ST6GAL1: variants seen among roughly 807,000 people sequenced by gnomAD.
The protein encoded by ST6GAL1 is beta-galactoside alpha-2,6-sialyltransferase 1.
Under a neutral mutation model 38.0 loss-of-function variants are expected in ST6GAL1, and 20 were observed. That is an observed-to-expected ratio of 0.53 (90% CI 0.37 to 0.77). The LOEUF (loss-of-function observed/expected upper bound fraction) is 0.77. Among genes scored for constraint, ST6GAL1 ranks in the 30% least tolerant of loss-of-function variants. ST6GAL1 has a pLI of 0.00. For missense variants in ST6GAL1, 432 were observed against 496.4 expected (o/e 0.87, Z 1.23); for synonymous variants, 196 against 188.2 (o/e 1.04, Z -0.34).
At chr3:186,960,326 TG>T (rs1242095734) in intron 1 of ST6GAL1, among the ~76,000 whole-genome samples, 1 of 152,130 alleles carries the variant, frequency 6.6e-6, no homozygotes, top group Non-Finnish European at 1.5e-5. Flanking sequence ...GCTCTAGAGT[TG>T]GGGGACAGTG....
intron 5 of ST6GAL1, among the ~76,000 whole-genome samples, chr3:187,070,254 T>C (rs1579384008): frequency 6.6e-6 from 1 of 152,050 alleles, no homozygotes; most frequent in Non-Finnish European, 1.5e-5. Context: ...ACCAGAGGTG[T>C]TGGTGGTCAA....
At chr3:187,026,775 G>A (rs28674898) in intron 2 of ST6GAL1, among the ~76,000 whole-genome samples, 52,346 of 152,062 alleles carry the variant, frequency 0.34, 9,463 homozygotes, top group East Asian at 0.49. Context: ...GCCAGGTGCG[G>A]TGGCTCACGC....
At position 187,075,621 on chromosome 3, in the gene ST6GAL1, A is replaced by G. The variant is rs1271500275; in HGVS notation, c.1039A>G (p.Lys347Glu). 1 of 1,614,032 alleles carries G rather than the reference A, an allele frequency of 6.2e-7. No individual in the cohort carries two copies. Among genetic ancestry groups the G allele is most frequent in the Non-Finnish European group, 8.5e-7 (1 of 1,180,018 alleles). The change falls in exon 8 of 8, where the codon AAG becomes GAG. Residue 347 changes from lysine to glutamate, a missense_variant. Lys to Glu is a moderately conservative substitution (Grantham distance 56, BLOSUM62 1). Transcript: ENST00000169298. The surrounding 1 kb of genome is among the most constrained non-coding windows in gnomAD (Gnocchi z 4.1). ...GGATATTTATGAGTTCCTCCCATCCAAGCGCAAGACTGACGTGTGCTACTA... is the reference window on the plus strand; with the variant it reads ...GGATATTTATGAGTTCCTCCCATCCGAGCGCAAGACTGACGTGTGCTACTA... ...QVDIYEFLPSKRKTDVCYYYQ... is the reference protein window; with the variant it reads ...QVDIYEFLPSERKTDVCYYYQ...
At chr3:187,008,340 A>G (rs1716848046) in intron 2 of ST6GAL1, among the ~76,000 whole-genome samples, 1 of 151,710 alleles carries the variant, frequency 6.6e-6, no homozygotes, top group Non-Finnish European at 1.5e-5. Flanking sequence ...GAAGGACTCA[A>G]GAAAGAGAGA....
At chr3:187,009,839 A>G (rs145491466) in intron 2 of ST6GAL1, among the ~76,000 whole-genome samples, 21 of 152,114 alleles carry the variant, frequency 1.4e-4, no homozygotes, top group Middle Eastern at 3.4e-3. Context: ...CCCCGTCTCT[A>G]CTAAAAAATA....
intron 1 of ST6GAL1, among the ~76,000 whole-genome samples, chr3:186,948,528 AGTGTGTGTGTGTGTGTGTGTGTGTGT>A (rs36234165): frequency 6.8e-6 from 1 of 146,234 alleles, no homozygotes; most frequent in African/African-American, 2.5e-5. Context: ...CAGAAACTCT[AGTGTGTGTGTGTGTGTGTGTGTGTGT>A]GTGTGTGTGT....
intron 2 of ST6GAL1, among the ~76,000 whole-genome samples, chr3:187,004,437 T>C (rs1716715279): frequency 6.6e-6 from 1 of 152,246 alleles, no homozygotes; most frequent in South Asian, 2.1e-4. Context: ...AAAGTTTTTC[T>C]ATAGAAAGAT....
At chr3:187,074,804 A>C (rs1283780434) in intron 7 of ST6GAL1, among the ~76,000 whole-genome samples, 1 of 152,120 alleles carries the variant, frequency 6.6e-6, no homozygotes, top group Non-Finnish European at 1.5e-5. Flanking sequence ...TCAGGTGTAC[A>C]ATTTAAGGGC....
chr3:186,989,210 T>A (rs2108543994), intron 2 of ST6GAL1, among the ~76,000 whole-genome samples: 1 of 152,246 alleles, frequency 6.6e-6, no homozygotes, highest in Non-Finnish European at 1.5e-5. Flanking sequence ...TAAAGAATGA[T>A]TCAAAGACTG....
At chr3:186,933,694 T>C (rs11715344) in intron 1 of ST6GAL1, among the ~76,000 whole-genome samples, 33,520 of 152,184 alleles carry the variant, frequency 0.22, 4,039 homozygotes, top group Non-Finnish European at 0.28. Flanking sequence ...ATTGCTTGCC[T>C]AATGATACAC....
At chr3:186,982,651 C>T (rs1449033851) in intron 2 of ST6GAL1, among the ~76,000 whole-genome samples, 1 of 151,950 alleles carries the variant, frequency 6.6e-6, no homozygotes, top group African/African-American at 2.4e-5. Flanking sequence ...GGCATCACAT[C>T]GTAAATTGAA....
chr3:187,066,461 A>G (rs1046514043), intron 5 of ST6GAL1, among the ~76,000 whole-genome samples: 4 of 152,152 alleles, frequency 2.6e-5, no homozygotes, highest in African/African-American at 4.8e-5. Context: ...CAAACAGGGT[A>G]TTAGTCACAT....
chr3:187,031,311 C>T (rs532013301), intron 2 of ST6GAL1, among the ~76,000 whole-genome samples: 2 of 152,322 alleles, frequency 1.3e-5, no homozygotes, highest in South Asian at 4.1e-4. Context: ...ATTTAGAGTG[C>T]CATTCTACTT....
At chr3:186,978,175 C>T (rs1251858282) in intron 2 of ST6GAL1, among the ~76,000 whole-genome samples, 1 of 152,150 alleles carries the variant, frequency 6.6e-6, no homozygotes, top group Non-Finnish European at 1.5e-5. Context: ...CATGCCACTG[C>T]ACTCCAGCCT....
chr3:187,030,524 C>A (rs1717708906), intron 2 of ST6GAL1, among the ~76,000 whole-genome samples: 1 of 152,174 alleles, frequency 6.6e-6, no homozygotes, highest in South Asian at 2.1e-4. Context: ...ACCTCCGCCT[C>A]CCGGATTCAA....
chr3:187,044,884 C>T (rs1177778803), intron 4 of ST6GAL1, among the ~76,000 whole-genome samples: 1 of 152,212 alleles, frequency 6.6e-6, no homozygotes, highest in African/African-American at 2.4e-5. Flanking sequence ...GGACTTTGAT[C>T]CTGAGATGTA....
At chr3:186,934,860 G>A (rs980723235) in intron 1 of ST6GAL1, among the ~76,000 whole-genome samples, 6 of 151,838 alleles carry the variant, frequency 4.0e-5, no homozygotes, top group South Asian at 2.1e-4. Flanking sequence ...TCCGCCTCCC[G>A]GGTTCACGCC....
chr3:187,017,744 T>TGCCCAGATTGATAACAC (rs1679912891), intron 2 of ST6GAL1, among the ~76,000 whole-genome samples: 1 of 152,206 alleles, frequency 6.6e-6, no homozygotes, highest in Non-Finnish European at 1.5e-5. Flanking sequence ...GACTTCCTCC[T>TGCCCAGATTGATAACAC]GCCCAGATTG....
intron 1 of ST6GAL1, among the ~76,000 whole-genome samples, chr3:186,959,362 G>A (rs1714857377): frequency 6.6e-6 from 1 of 152,108 alleles, no homozygotes; most frequent in African/African-American, 2.4e-5. Context: ...GTGGAACTCT[G>A]GCTTAGTCAC....
Sources: gnomAD v4.1 joint callset for allele counts (sites outside exome capture counted in the v4.1 genomes callset) on GRCh38, gnomAD v4.1.1 for gene constraint, Gnocchi (gnomAD v3.1) non-coding constraint, MANE v1.5 for transcripts, NCBI Gene and HGNC (gene_info 2026-07-23, HGNC 2026-07-21) for gene names.